SOS1: variants seen among roughly 807,000 people sequenced by gnomAD.
SOS1 encodes the protein SOS Ras/Rac guanine nucleotide exchange factor 1.
A neutral mutation model predicts 157.6 loss-of-function variants in SOS1; 25 were observed. The observed-to-expected ratio is 0.16, with a 90% confidence interval of 0.12 to 0.22. The LOEUF is 0.22. Among genes scored for constraint, SOS1 ranks in the 10% least tolerant of loss-of-function variants. The pLI is 1.00. For synonymous variants in SOS1, 528 were observed against 534.0 expected (o/e 0.99, Z 0.16); for missense variants, 1,237 against 1,599.1 (o/e 0.77, Z 3.86).
At position 38,991,679 on chromosome 2, in the gene SOS1, T is replaced by C. The variant is rs540385333; in HGVS notation, c.3347-2365A>G. 7.2e-5 allele frequency among the ~76,000 whole-genome samples: 11 copies of C among 152,336 alleles called. No homozygotes were observed. The East Asian group carries it at 1.9e-3, about 27-fold the overall frequency. Reference sequence around the variant, plus strand: ...CCTGTCTTTGCCACAACGCTTTCCATGACCACTCTTGCTCATTCTGAGGTC... The same window carrying C: ...CCTGTCTTTGCCACAACGCTTTCCACGACCACTCTTGCTCATTCTGAGGTC... On this transcript the variant is annotated intron_variant, in intron 20 of 22. Transcript: ENST00000402219.
chr2:39,052,298 A>G (rs1334054465), intron 5 of SOS1, among the ~76,000 whole-genome samples: 1 of 152,182 alleles, frequency 6.6e-6, no homozygotes, highest in African/African-American at 2.4e-5. Context: ...ATCAGTGACT[A>G]TATTTATCAA....
chr2:39,025,363 T>G (rs978431382), intron 8 of SOS1, among the ~76,000 whole-genome samples: 3 of 152,122 alleles, frequency 2.0e-5, no homozygotes, highest in Non-Finnish European at 4.4e-5. Context: ...TTTCTTTTTT[T>G]TTTTTAGATG....
intron 15 of SOS1, among the ~76,000 whole-genome samples, chr2:39,007,986 C>T (rs577469462): frequency 6.6e-6 from 1 of 152,116 alleles, no homozygotes; most frequent in East Asian, 1.9e-4. Context: ...TCCCTTCTTT[C>T]TCCCAGCTCA....
At chr2:39,018,562 A>C (rs530623863) in intron 10 of SOS1, among the ~76,000 whole-genome samples, 84 of 151,918 alleles carry the variant, frequency 5.5e-4, no homozygotes, top group African/African-American at 1.9e-3. Context: ...ATACTTCAAA[A>C]TTTTAGGAAC....
chr2:39,116,000 C>A (rs1436945248), intron 1 of SOS1, among the ~76,000 whole-genome samples: 1 of 151,678 alleles, frequency 6.6e-6, no homozygotes, highest in Non-Finnish European at 1.5e-5. Context: ...ATTCATTCAC[C>A]TGCTGACGAA....
intron 1 of SOS1, among the ~76,000 whole-genome samples, chr2:39,096,743 G>A (rs1315371169): frequency 3.3e-5 from 5 of 152,050 alleles, no homozygotes; most frequent in Admixed American, 6.6e-5. Flanking sequence ...AAAATTAGCC[G>A]GATGTGGTGG....
chr2:38,998,435 G>C (rs1196204955), intron 17 of SOS1, among the ~76,000 whole-genome samples: 1 of 152,050 alleles, frequency 6.6e-6, no homozygotes, highest in Non-Finnish European at 1.5e-5. Context: ...TTTTTTAGTA[G>C]AGACGGGGTT....
intron 2 of SOS1, among the ~76,000 whole-genome samples, chr2:39,067,186 A>C (rs1439026326): frequency 1.3e-5 from 2 of 152,038 alleles, no homozygotes; most frequent in East Asian, 3.9e-4. Flanking sequence ...AGTTAAAAAC[A>C]AATTTTTTTT....
At position 38,995,198 on chromosome 2, in the gene SOS1, G is replaced by T. The variant is rs756008569; in HGVS notation, c.3271C>A (p.Pro1091Thr). Residue 1091 changes from proline (P) to threonine (T), a missense_variant, in exon 20 of 23, where the codon CCT (proline) becomes ACT (threonine). Transcript: ENST00000402219. Reference protein sequence around the residue: ...NSPRTPLTPPPASGASSTTDV... With the variant: ...NSPRTPLTPPTASGASSTTDV... ...GTGGTACTGGAAGCACCAGAAGCAG[G>T]CGGAGGTGTTAACGGTGTTCTTGGA... 1.2e-6 allele frequency: 2 copies of T among 1,613,984 alleles called. No homozygotes were observed. Among genetic ancestry groups the T allele is most frequent in the Admixed American group, 1.7e-5 (1 of 60,012 alleles).
chr2:39,079,054 C>A (rs1437622397), intron 1 of SOS1, among the ~76,000 whole-genome samples: 3 of 10,294 alleles, frequency 2.9e-4, no homozygotes, highest in African/African-American at 5.6e-4. Context: ...GAGGGAGACT[C>A]TGTCTCCCAA....
At chr2:39,087,600 C>G (rs1398816171) in intron 1 of SOS1, among the ~76,000 whole-genome samples, 1 of 152,170 alleles carries the variant, frequency 6.6e-6, no homozygotes, top group Non-Finnish European at 1.5e-5. Flanking sequence ...TCAAGCGTCT[C>G]GCCTGAAAAT....
intron 1 of SOS1, among the ~76,000 whole-genome samples, chr2:39,119,480 A>G (rs557752745): frequency 2.0e-5 from 3 of 152,256 alleles, no homozygotes; most frequent in African/African-American, 4.8e-5. Flanking sequence ...TTCTTTGAGC[A>G]GCAAGAAACT....
At chr2:39,007,341 T>A in intron 15 of SOS1, 148 bp from the exon 16 acceptor site, 1 of 631,072 alleles carries the variant, frequency 1.6e-6, no homozygotes, top group Non-Finnish European at 2.8e-6. Context: ...GGGTGACTGA[T>A]AGAAGGAAGG....
At chr2:39,045,736 G>C (rs910461605) in intron 6 of SOS1, among the ~76,000 whole-genome samples, 8 of 152,140 alleles carry the variant, frequency 5.3e-5, no homozygotes, top group African/African-American at 4.8e-5. Context: ...TTGAGACGGA[G>C]TCTTGCTCTG....
At chr2:39,094,902 TA>T (rs1219867720) in intron 1 of SOS1, among the ~76,000 whole-genome samples, 1 of 152,160 alleles carries the variant, frequency 6.6e-6, no homozygotes, top group Non-Finnish European at 1.5e-5. Flanking sequence ...CCACAAGCCA[TA>T]AACCTGTTAG....
intron 2 of SOS1, among the ~76,000 whole-genome samples, chr2:39,060,620 T>TC (rs1407555433): frequency 2.0e-5 from 3 of 152,112 alleles, no homozygotes; most frequent in African/African-American, 7.2e-5. Flanking sequence ...GAGATGGGTT[T>TC]CCCCATGTTG....
At chr2:39,119,016 T>G (rs1673763691) in intron 1 of SOS1, among the ~76,000 whole-genome samples, 2 of 152,190 alleles carry the variant, frequency 1.3e-5, no homozygotes, top group South Asian at 4.1e-4. Flanking sequence ...TACACGTTTT[T>G]AAACAATTTC....
intron 15 of SOS1, among the ~76,000 whole-genome samples, chr2:39,007,891 A>G (rs1294108522): frequency 6.6e-6 from 1 of 152,150 alleles, no homozygotes. Context: ...AGCAAATGGC[A>G]AAAGAAACAT....
chr2:39,063,489 C>T (rs1671482540), intron 2 of SOS1, among the ~76,000 whole-genome samples: 1 of 152,198 alleles, frequency 6.6e-6, no homozygotes, highest in Non-Finnish European at 1.5e-5. Context: ...TATTCATCTG[C>T]AACACTGCCT....
Sources: allele counts gnomAD v4.1 joint callset (sites outside exome capture counted in the v4.1 genomes callset), GRCh38; gene constraint gnomAD v4.1.1; transcripts MANE v1.5; gene names NCBI Gene and HGNC (gene_info 2026-07-23, HGNC 2026-07-21).